ADH5: variants seen among roughly 807,000 people sequenced by gnomAD.
ADH5 encodes the protein alcohol dehydrogenase class-3.
Under a neutral mutation model 40.3 loss-of-function variants are expected in ADH5, and 32 were observed. The observed-to-expected ratio is 0.79, with a 90% confidence interval of 0.60 to 1.07. The LOEUF (loss-of-function observed/expected upper bound fraction) is 1.07. Among genes scored for constraint, ADH5 ranks in the 50% least tolerant of loss-of-function variants. The probability of loss-of-function intolerance (pLI) is 0.00; values close to 1 mark genes in which losing one functional copy is unlikely to be tolerated. For synonymous variants in ADH5, 125 were observed against 154.3 expected (o/e 0.81, Z 1.41); for missense variants, 353 against 460.5 (o/e 0.77, Z 2.14).
Position 99,088,754 on chromosome 4 carries a change from C to T in ADH5, c.-54G>A, listed in dbSNP as rs1728205422. Reference sequence around the variant, plus strand: ...CTGACATCCGGGGTGGGCCGCGCAGCGACGGAGGCATGGGCGTGGCGAGCG... The same window carrying T: ...CTGACATCCGGGGTGGGCCGCGCAGTGACGGAGGCATGGGCGTGGCGAGCG... On this transcript the variant is annotated 5_prime_UTR_variant, in exon 1 of 9. Transcript: ENST00000296412. 1.3e-6 allele frequency: 2 copies of T among 1,490,172 alleles called. No individual in the cohort carries two copies. The highest frequency in any genetic ancestry group is 1.8e-6 in the Non-Finnish European group (2 of 1,109,040). The allele number at this position is 1,490,172 out of a possible 1,614,324, so 92.3% of individuals were successfully genotyped here. A position where few individuals can be genotyped will look rare whatever the true frequency, so the allele number is the denominator to read the frequency against.
chr4:99,074,876 C>A, intron 7 of ADH5, 38 bp downstream of exon 7: 1 of 1,550,414 alleles, frequency 6.4e-7, no homozygotes. Flanking sequence ...ATGCAACTAA[C>A]AAAAGAGAAA....
At chr4:99,078,277 G>T (rs1027097107) in intron 4 of ADH5, among the ~76,000 whole-genome samples, 1 of 152,010 alleles carries the variant, frequency 6.6e-6, no homozygotes, top group Non-Finnish European at 1.5e-5. Flanking sequence ...AAACTCTTTC[G>T]AACATACATA....
intron 4 of ADH5, among the ~76,000 whole-genome samples, chr4:99,077,597 C>T (rs997272500): frequency 1.3e-5 from 2 of 152,154 alleles, no homozygotes; most frequent in Non-Finnish European, 2.9e-5. Flanking sequence ...AACCATTAAC[C>T]AGATCAACTA....
At position 99,081,348 on chromosome 4, in the gene ADH5, C is replaced by T. The variant is rs1391909158; in HGVS notation, c.344+17G>A. ...CGCAGCACTTGTGTTTTAAGAAGAA[C>T]ATAAAAAGATACTAACCTTATCTTC... On this transcript the variant is annotated intron_variant, in intron 4 of 8. Coordinates refer to ENST00000296412, the MANE Select transcript of ADH5 (RefSeq NM_000671.4). 6.7e-7 allele frequency: 1 copy of T among 1,497,416 alleles called. No homozygotes were observed. Among genetic ancestry groups the T allele is most frequent in the African/African-American group, 1.4e-5 (1 of 72,738 alleles). 92.8% of individuals were successfully genotyped at this position (1,497,416 alleles called of 1,614,324 possible).
chr4:99,088,653 C>T, intron 1 of ADH5, 36 bp downstream of exon 1: 1 of 1,602,352 alleles, frequency 6.2e-7, no homozygotes, highest in Non-Finnish European at 8.5e-7. Context: ...GCACTCCCTC[C>T]CTTGGACTCA....
rs766534914 is a variant in ADH5 at position 99,076,242 on chromosome 4, T to C, written c.825+50A>G. 13 of 1,578,770 alleles carry C rather than the reference T, an allele frequency of 8.2e-6. No homozygotes were observed. The African/African-American group carries it at 1.2e-4, about 15-fold the overall frequency. ...AACAATTTTTAATCTAAAACTGCAC[T>C]TCAAAAAAAGCAGTTCCATAAACTA... On this transcript the variant is annotated intron_variant, in intron 6 of 8. Transcript: ENST00000296412.
At chr4:99,087,535 T>C (rs1022010472) in intron 1 of ADH5, among the ~76,000 whole-genome samples, 2 of 152,194 alleles carry the variant, frequency 1.3e-5, no homozygotes, top group Non-Finnish European at 2.9e-5. Context: ...TTCATTTCAA[T>C]GTGCCATAAA....
At chr4:99,084,120 A>G (rs1728083498) in intron 2 of ADH5, among the ~76,000 whole-genome samples, 1 of 152,072 alleles carries the variant, frequency 6.6e-6, no homozygotes, top group Admixed American at 6.5e-5. Context: ...ACTGAAGACC[A>G]TTTCTGTCAG....
intron 4 of ADH5, among the ~76,000 whole-genome samples, chr4:99,080,986 C>G (rs1728015898): frequency 1.3e-5 from 2 of 152,210 alleles, no homozygotes; most frequent in African/African-American, 4.8e-5. Context: ...AGTGAGCCTT[C>G]TCTCTCCCTT....
chr4:99,081,026 T>C (rs1350054142), intron 4 of ADH5, among the ~76,000 whole-genome samples: 1 of 152,240 alleles, frequency 6.6e-6, no homozygotes, highest in Non-Finnish European at 1.5e-5. Flanking sequence ...TCTGTTTCTC[T>C]AGCTGTGCAG....
intron 1 of ADH5, among the ~76,000 whole-genome samples, chr4:99,085,845 G>A (rs557993508): frequency 3.3e-5 from 5 of 152,246 alleles, no homozygotes; most frequent in African/African-American, 1.2e-4. Context: ...AGACCAACCT[G>A]GCCAGCATGG....
rs750535620 is a variant in ADH5, at chr4:99,074,995, C to T, written c.880G>A (p.Val294Ile). The change falls in exon 7 of 9, where the codon GTA becomes ATA. Residue 294 changes from valine (V) to isoleucine (I), a missense_variant. Transcript: ENST00000296412. ...KGWGVSVVVG[V>I]AASGEEIATR... is the part of the protein sequence containing the mutation. ...GCAATTTCTTCACCTGAAGCAGCTA[C>T]TCCAACCACGACGCTGACGCCCCAG... is the stretch of plus-strand genomic sequence containing the variant. 41 of 1,613,260 alleles carry T rather than the reference C, an allele frequency of 2.5e-5. No homozygotes were observed. In the Middle Eastern group the frequency reaches 4.9e-4, roughly 19 times the overall value.
At chr4:99,076,134 T>C (rs1240340456) in intron 6 of ADH5, 158 bp downstream of exon 6, 1 of 695,290 alleles carries the variant, frequency 1.4e-6, no homozygotes, top group African/African-American at 1.8e-5. Context: ...CTTGTATCAT[T>C]TCCCATTGTA....
chr4:99,080,005 CA>C (rs1560754571), intron 4 of ADH5: 1 of 455,420 alleles, frequency 2.2e-6, no homozygotes, highest in Admixed American at 2.4e-5. Context: ...TAAGAAAAGT[CA>C]GTATATTTAT....
intron 7 of ADH5, among the ~76,000 whole-genome samples, chr4:99,073,726 C>T (rs967612055): frequency 1.3e-5 from 2 of 152,168 alleles, no homozygotes; most frequent in Non-Finnish European, 2.9e-5. Flanking sequence ...CACTCCTGTT[C>T]TCTAGACAAA....
chr4:99,086,735 G>A (rs1229431175), intron 1 of ADH5, among the ~76,000 whole-genome samples: 1 of 151,120 alleles, frequency 6.6e-6, no homozygotes, highest in Non-Finnish European at 1.5e-5. Context: ...ACGAGGTCAG[G>A]AGATCGAGAC....
intron 1 of ADH5, 55 bp from the exon 2 acceptor site, chr4:99,085,271 T>C: frequency 1.3e-6 from 1 of 789,176 alleles, no homozygotes; most frequent in Non-Finnish European, 1.9e-6. Context: ...AAGTAACTAC[T>C]TAATAGCCAA....
At position 99,076,712 on chromosome 4, in the gene ADH5, T is replaced by C. The variant is rs757769476; in HGVS notation, c.556A>G (p.Thr186Ala). Residue 186 changes from threonine to alanine, a missense_variant, in exon 5 of 9, where the codon ACT (threonine) becomes GCT (alanine). Coordinates refer to ENST00000296412, the MANE Select transcript of ADH5 (RefSeq NM_000671.4). ...CCAAGTCAGTCTCTTACCTTGGCAGTGTTCACAGCAGCACCATAACCGGTT... is the reference window on the plus strand; with the variant it reads ...CCAAGTCAGTCTCTTACCTTGGCAGCGTTCACAGCAGCACCATAACCGGTT... ...ISTGYGAAVNTAKLEPGSVCA... is the reference protein window; with the variant it reads ...ISTGYGAAVNAAKLEPGSVCA... 2.1e-5 allele frequency: 34 copies of C among 1,613,582 alleles called. No individual in the cohort carries two copies. Among genetic ancestry groups the C allele is most frequent in the Non-Finnish European group, 2.8e-5 (33 of 1,179,794 alleles).
At position 99,072,171 on chromosome 4, in the gene ADH5, T is replaced by G; in HGVS notation, c.*246A>C. Reference sequence around the variant, plus strand: ...TTTCCACACAAATGTAGAAATTACTTTTATTATGTTAAAATATTCCTTAAT... The same window carrying G: ...TTTCCACACAAATGTAGAAATTACTGTTATTATGTTAAAATATTCCTTAAT... On this transcript the variant is annotated 3_prime_UTR_variant, in exon 9 of 9. Coordinates refer to ENST00000296412, the MANE Select transcript of ADH5 (RefSeq NM_000671.4). 1 of 419,588 alleles carries G rather than the reference T, an allele frequency of 2.4e-6. No individual in the cohort carries two copies. The highest frequency in any genetic ancestry group is 3.6e-5 in the East Asian group (1 of 27,486). The allele number at this position is 419,588 out of a possible 1,614,324, so 26.0% of individuals were successfully genotyped here.
Sources: allele counts gnomAD v4.1 joint callset (sites outside exome capture counted in the v4.1 genomes callset), GRCh38; gene constraint gnomAD v4.1.1; transcripts MANE v1.5; gene names NCBI Gene and HGNC (gene_info 2026-07-23, HGNC 2026-07-21).